The following RARRES1 variants were observed in gnomAD, a reference collection of about 807,000 sequenced individuals.
RARRES1 encodes the protein retinoic acid receptor responder protein 1.
A neutral mutation model predicts 30.6 loss-of-function variants in RARRES1; 34 were observed. The ratio of observed to expected loss-of-function variants is 1.11; its 90% confidence interval spans 0.84 to 1.48. The LOEUF (loss-of-function observed/expected upper bound fraction) is 1.48, where lower values mean the gene tolerates loss of function less well. Ranked by LOEUF, RARRES1 falls within the 40% of genes most tolerant of loss-of-function variation. RARRES1 has a pLI of 0.00. For missense variants in RARRES1, 373 were observed against 386.5 expected (o/e 0.97, Z 0.29); for synonymous variants, 153 against 155.5 (o/e 0.98, Z 0.12).
chr3:158,715,570 A>G (rs1378884011), intron 1 of RARRES1, among the ~76,000 whole-genome samples: 2 of 152,218 alleles, frequency 1.3e-5, no homozygotes, highest in Non-Finnish European at 2.9e-5. Flanking sequence ...GAACAGTAGG[A>G]TAAGGCATAA....
intron 1 of RARRES1, among the ~76,000 whole-genome samples, chr3:158,722,518 A>G (rs2108150538): frequency 6.6e-6 from 1 of 152,296 alleles, no homozygotes; most frequent in East Asian, 1.9e-4. Flanking sequence ...GGTGTGTTAG[A>G]AATGAACCCA....
intron 3 of RARRES1, among the ~76,000 whole-genome samples, chr3:158,709,339 C>CT (rs1296326851): frequency 1.3e-5 from 2 of 152,180 alleles, no homozygotes; most frequent in African/African-American, 4.8e-5. Context: ...CAGATAAGCC[C>CT]TATTTTCCCA....
chr3:158,730,286 C>A (rs1465439136), intron 1 of RARRES1, among the ~76,000 whole-genome samples: 1 of 146,744 alleles, frequency 6.8e-6, no homozygotes, highest in African/African-American at 2.5e-5. Context: ...CAGCGCTGCA[C>A]TCCAGCCTGG....
intron 1 of RARRES1, among the ~76,000 whole-genome samples, chr3:158,730,620 T>A (rs1325874821): frequency 6.6e-6 from 1 of 151,802 alleles, no homozygotes; most frequent in Non-Finnish European, 1.5e-5. Flanking sequence ...ATTTTTAATT[T>A]TTTTTATTTT....
intron 1 of RARRES1, among the ~76,000 whole-genome samples, chr3:158,725,632 A>T (rs1300260243): frequency 6.6e-6 from 1 of 152,216 alleles, no homozygotes; most frequent in African/African-American, 2.4e-5. Flanking sequence ...GCTGGTAAAA[A>T]AAAAATTGTG....
intron 1 of RARRES1, among the ~76,000 whole-genome samples, chr3:158,721,908 A>G (rs1318418080): frequency 6.6e-6 from 1 of 152,114 alleles, no homozygotes; most frequent in Admixed American, 6.5e-5. Flanking sequence ...CCTGACCAAC[A>G]TGGAGAAACC....
intron 1 of RARRES1, among the ~76,000 whole-genome samples, chr3:158,725,955 C>T (rs1727670933): frequency 6.6e-6 from 1 of 152,192 alleles, no homozygotes; most frequent in Admixed American, 6.5e-5. Context: ...TGTTATGTTT[C>T]ATCCTTAGGG....
chr3:158,722,832 A>C (rs1027869179), intron 1 of RARRES1, among the ~76,000 whole-genome samples: 1 of 151,194 alleles, frequency 6.6e-6, no homozygotes, highest in Non-Finnish European at 1.5e-5. Flanking sequence ...CAGTGAGCCA[A>C]GATCGCGCCA....
In RARRES1 at chr3:158,710,842, G is replaced by A. The variant is rs777285691; in HGVS notation, c.431C>T (p.Thr144Ile). 1.2e-6 allele frequency: 2 copies of A among 1,613,350 alleles called. No individual in the cohort carries two copies. The highest frequency in any genetic ancestry group is 1.7e-5 in the Admixed American group (1 of 59,984). The change falls in exon 3 of 6, where the codon ACT (threonine) becomes ATT (isoleucine). Residue 144 changes from threonine to isoleucine, a missense_variant. Transcript: ENST00000237696. ...NQKPRPTINV[T>I]CTRLIEKKKR... is the part of the protein sequence containing the mutation. Reference sequence around the variant, plus strand: ...CTTTTTCTCGATGAGCCGTGTACAAGTTACATTGATGGTTGGTCTGGGTTT... The same window carrying A: ...CTTTTTCTCGATGAGCCGTGTACAAATTACATTGATGGTTGGTCTGGGTTT...
At chr3:158,698,649 C>T (rs1280991117) in intron 4 of RARRES1, among the ~76,000 whole-genome samples, 1 of 149,944 alleles carries the variant, frequency 6.7e-6, no homozygotes, top group African/African-American at 2.5e-5. Flanking sequence ...GTGACTAAAC[C>T]AACTCCATAT....
At chr3:158,724,088 T>C (rs1196680565) in intron 1 of RARRES1, among the ~76,000 whole-genome samples, 4 of 151,956 alleles carry the variant, frequency 2.6e-5, no homozygotes, top group Non-Finnish European at 5.9e-5. Flanking sequence ...TATGGTCGAG[T>C]ACTGAGCTAG....
At chr3:158,728,759 A>T (rs1264197084) in intron 1 of RARRES1, among the ~76,000 whole-genome samples, 1 of 151,830 alleles carries the variant, frequency 6.6e-6, no homozygotes, top group Non-Finnish European at 1.5e-5. Flanking sequence ...CCTGACCTCA[A>T]GTGATCTGCT....
intron 4 of RARRES1, among the ~76,000 whole-genome samples, chr3:158,704,432 A>G (rs1210081523): frequency 3.3e-5 from 5 of 151,928 alleles, no homozygotes; most frequent in Non-Finnish European, 5.9e-5. Flanking sequence ...GGGCCTTGCT[A>G]TGCTACCCAG....
At chr3:158,709,528 C>T (rs1431480390) in intron 3 of RARRES1, among the ~76,000 whole-genome samples, 12 of 152,208 alleles carry the variant, frequency 7.9e-5, no homozygotes, top group Non-Finnish European at 1.5e-5. Flanking sequence ...ATGTGAGAAT[C>T]ATTCAGGGTT....
chr3:158,699,756 C>T (rs1040574429), intron 4 of RARRES1, among the ~76,000 whole-genome samples: 1 of 152,138 alleles, frequency 6.6e-6, no homozygotes, highest in African/African-American at 2.4e-5. Context: ...TCAAAGCAAA[C>T]ATCTGAGGCA....
intron 3 of RARRES1, among the ~76,000 whole-genome samples, chr3:158,705,211 A>G (rs913004998): frequency 4.6e-5 from 7 of 152,138 alleles, no homozygotes; most frequent in African/African-American, 1.7e-4. Flanking sequence ...TATCAAGCCT[A>G]TGTCCACAAA....
At chr3:158,703,091 A>T (rs1726791316) in intron 4 of RARRES1, among the ~76,000 whole-genome samples, 1 of 152,164 alleles carries the variant, frequency 6.6e-6, no homozygotes, top group African/African-American at 2.4e-5. Flanking sequence ...TTGCCTCTCT[A>T]ATAATCCCAA....
chr3:158,730,365 C>CTCCTTCCTTCCTTCCTTCCTTCCTTCCT lies in RARRES1; in HGVS notation c.276+1747_276+1774dup, dbSNP rs61461024. On this transcript the variant is annotated intron_variant, in intron 1 of 5. Transcript: ENST00000237696. ...AAAGACAGGTGACAAGAATAGGTTGCTCCTTCCTTCCTTCCTTCCTTCCTT... is the reference window on the plus strand; with the variant it reads ...AAAGACAGGTGACAAGAATAGGTTGCTCCTTCCTTCCTTCCTTCCTTCCTTCCTTCCTTCCTTCCTTCCTTCCTTCCTT... Among the ~76,000 whole-genome samples the CTCCTTCCTTCCTTCCTTCCTTCCTTCCT allele has an allele frequency of 6.7e-5, 8 of 120,262 alleles. No homozygotes were observed. The South Asian group carries it at 8.8e-4, about 13-fold the overall frequency. The allele number at this position is 120,262 out of a possible 152,430, so 78.9% of individuals were successfully genotyped here.
intron 1 of RARRES1, among the ~76,000 whole-genome samples, chr3:158,724,748 T>G (rs1179388428): frequency 6.6e-6 from 1 of 152,202 alleles, no homozygotes; most frequent in Admixed American, 6.5e-5. Flanking sequence ...CTTAATGTCA[T>G]GTTCTGTGTG....
Sources: gnomAD v4.1 joint callset for allele counts (sites outside exome capture counted in the v4.1 genomes callset) on GRCh38, gnomAD v4.1.1 for gene constraint, MANE v1.5 for transcripts, NCBI Gene and HGNC (gene_info 2026-07-23, HGNC 2026-07-21) for gene names.